The following DOCK3 variants were observed in gnomAD, a reference collection of about 807,000 sequenced individuals.
DOCK3 encodes dedicator of cytokinesis protein 3.
DOCK3 carries 60 observed loss-of-function variants against 265.6 expected under a neutral mutation model. The ratio of observed to expected loss-of-function variants is 0.23; its 90% CI spans 0.18 to 0.28. The LOEUF is 0.28. Ranked by LOEUF, DOCK3 falls within the 10% of genes least tolerant of loss-of-function variation. The pLI is 1.00. For missense variants in DOCK3, 1,981 were observed against 2,594.3 expected (o/e 0.76, Z 5.14); for synonymous variants, 881 against 938.0 (o/e 0.94, Z 1.11).
chr3:50,835,404 T>C (rs1304399372), intron 2 of DOCK3, among the ~76,000 whole-genome samples: 2 of 152,198 alleles, frequency 1.3e-5, no homozygotes, highest in Non-Finnish European at 2.9e-5. Flanking sequence ...AACCAATTAA[T>C]TAAAATCACA....
At chr3:51,200,436 G>T (rs2088648447) in intron 12 of DOCK3, among the ~76,000 whole-genome samples, 1 of 19,310 alleles carries the variant, frequency 5.2e-5, no homozygotes, top group African/African-American at 3.7e-4. Flanking sequence ...TATCAGTGAT[G>T]GAAGATGAAA....
intron 22 of DOCK3, among the ~76,000 whole-genome samples, chr3:51,258,225 T>TA (rs2079653714): frequency 6.6e-6 from 1 of 152,186 alleles, no homozygotes; most frequent in Non-Finnish European, 1.5e-5. Context: ...AAAAACTTTT[T>TA]AAAATTAGAG....
chr3:51,046,061 T>C (rs2080765129), intron 5 of DOCK3, among the ~76,000 whole-genome samples: 1 of 152,112 alleles, frequency 6.6e-6, no homozygotes, highest in East Asian at 1.9e-4. Flanking sequence ...TACAAAAGCC[T>C]AATGGTAACC....
intron 5 of DOCK3, among the ~76,000 whole-genome samples, chr3:51,000,799 C>T (rs1260637991): frequency 7.2e-5 from 11 of 152,202 alleles, no homozygotes; most frequent in East Asian, 3.9e-4. Context: ...AATACAGGCA[C>T]GTGCCACCAT....
At chr3:50,826,544 C>A (rs1291366712) in intron 2 of DOCK3, among the ~76,000 whole-genome samples, 1 of 152,136 alleles carries the variant, frequency 6.6e-6, no homozygotes, top group African/African-American at 2.4e-5. Context: ...TTTGAAGATG[C>A]CTCTAACATG....
At chr3:50,698,517 G>GTTTTTTTTTTTTTTTT in intron 1 of DOCK3, among the ~76,000 whole-genome samples, 266 of 19,488 alleles carry the variant, frequency 0.014, 89 homozygotes, top group South Asian at 0.025. Flanking sequence ...TATGTTTTTG[G>GTTTTTTTTTTTTTTTT]TTTTTTTTTT....
chr3:50,768,248 G>C (rs1376386560), intron 1 of DOCK3, among the ~76,000 whole-genome samples: 2 of 152,266 alleles, frequency 1.3e-5, no homozygotes, highest in East Asian at 3.9e-4. Context: ...GATATTGGCT[G>C]TGGGTTTGTC....
At chr3:50,922,576 G>T (rs1337652059) in intron 4 of DOCK3, among the ~76,000 whole-genome samples, 1 of 152,144 alleles carries the variant, frequency 6.6e-6, no homozygotes, top group East Asian at 1.9e-4. Context: ...GATGAACCCG[G>T]TACCTCAATT....
intron 9 of DOCK3, among the ~76,000 whole-genome samples, chr3:51,141,708 T>C (rs560968341): frequency 1.3e-5 from 2 of 152,154 alleles, no homozygotes; most frequent in Non-Finnish European, 2.9e-5. Context: ...GAATGGCTTT[T>C]AGAGAGGCAA....
At chr3:50,864,243 T>C (rs993311888) in intron 3 of DOCK3, among the ~76,000 whole-genome samples, 1 of 152,332 alleles carries the variant, frequency 6.6e-6, no homozygotes, top group African/African-American at 2.4e-5. Context: ...TGTTGCCATT[T>C]GTACATCTTT....
At chr3:51,252,194 G>A (rs2079285635) in intron 22 of DOCK3, among the ~76,000 whole-genome samples, 1 of 152,118 alleles carries the variant, frequency 6.6e-6, no homozygotes, top group Non-Finnish European at 1.5e-5. Context: ...TTATTTCTCA[G>A]GGCTCTATTC....
intron 3 of DOCK3, among the ~76,000 whole-genome samples, chr3:50,859,926 T>C (rs891177143): frequency 6.6e-6 from 1 of 152,198 alleles, no homozygotes; most frequent in Non-Finnish European, 1.5e-5. Flanking sequence ...GACTTTGTAC[T>C]TCTTGGCTGC....
intron 9 of DOCK3, among the ~76,000 whole-genome samples, chr3:51,092,824 G>A (rs201891758): frequency 1.3e-5 from 2 of 151,794 alleles, no homozygotes; most frequent in East Asian, 3.9e-4. Context: ...AGAACAGGCA[G>A]CAATTTAATC....
chr3:50,921,735 G>T (rs187932039), intron 4 of DOCK3, among the ~76,000 whole-genome samples: 12 of 152,238 alleles, frequency 7.9e-5, no homozygotes, highest in Non-Finnish European at 1.2e-4. Context: ...TGGAGTTTTG[G>T]TGTGGATGTC....
intron 1 of DOCK3, among the ~76,000 whole-genome samples, chr3:50,693,417 A>G (rs999047681): frequency 6.6e-6 from 1 of 151,892 alleles, no homozygotes; most frequent in Admixed American, 6.6e-5. Flanking sequence ...GTAATTTTCA[A>G]TATACAAATT....
At chr3:50,829,502 T>C (rs1189533814) in intron 2 of DOCK3, among the ~76,000 whole-genome samples, 1 of 152,182 alleles carries the variant, frequency 6.6e-6, no homozygotes, top group Admixed American at 6.5e-5. Context: ...AAGGCTCAGT[T>C]GCTTTGGTAG....
At chr3:51,288,352 A>G (rs1467213344) in intron 27 of DOCK3, among the ~76,000 whole-genome samples, 5 of 149,108 alleles carry the variant, frequency 3.4e-5, no homozygotes, top group Admixed American at 2.7e-4. Flanking sequence ...AGATCGTAGC[A>G]CTGCCCTCCA....
At chr3:51,254,935 G>A (rs188315132) in intron 22 of DOCK3, among the ~76,000 whole-genome samples, 6 of 152,258 alleles carry the variant, frequency 3.9e-5, no homozygotes, top group East Asian at 3.9e-4. Context: ...TATTTTGCTC[G>A]TTAATTGATG....
At chr3:51,309,411 G>A (rs1257320267) in intron 27 of DOCK3, among the ~76,000 whole-genome samples, 2 of 152,194 alleles carry the variant, frequency 1.3e-5, no homozygotes, top group Non-Finnish European at 2.9e-5. Context: ...GCGAAACCCC[G>A]TCTCCACCAA....
Sources: gnomAD v4.1 joint callset for allele counts (sites outside exome capture counted in the v4.1 genomes callset) on GRCh38, gnomAD v4.1.1 for gene constraint, MANE v1.5 for transcripts, NCBI Gene and HGNC (gene_info 2026-07-23, HGNC 2026-07-21) for gene names.